The following ABLIM2 variants were observed in gnomAD, a reference collection of about 807,000 sequenced individuals.
The protein encoded by ABLIM2 is actin binding LIM protein family member 2, also known as actin-binding LIM protein 2.
ABLIM2 carries 53 observed loss-of-function variants against 97.7 expected under a neutral mutation model. The ratio of observed to expected loss-of-function variants is 0.54; its 90% CI spans 0.44 to 0.68. ABLIM2 has a LOEUF of 0.68. Among genes scored for constraint, ABLIM2 ranks in the 30% least tolerant of loss-of-function variants. The pLI is 0.00. For missense variants in ABLIM2, 835 were observed against 867.2 expected (o/e 0.96, Z 0.47); for synonymous variants, 361 against 345.8 (o/e 1.04, Z -0.49).
At chr4:8,009,659 C>T (rs7435224) in intron 14 of ABLIM2, among the ~76,000 whole-genome samples, 57,963 of 151,954 alleles carry the variant, frequency 0.38, 11,369 homozygotes, top group East Asian at 0.52. Context: ...GCCTCCCAAA[C>T]TGCTGGGATT....
intron 12 of ABLIM2, among the ~76,000 whole-genome samples, chr4:8,025,487 G>A (rs954416591): frequency 4.6e-5 from 7 of 152,304 alleles, no homozygotes; most frequent in African/African-American, 1.4e-4. Context: ...GCTACAAGGC[G>A]TGGAAGGAAG....
At chr4:8,094,657 C>A (rs1830481442) in intron 3 of ABLIM2, among the ~76,000 whole-genome samples, 1 of 152,156 alleles carries the variant, frequency 6.6e-6, no homozygotes, top group African/African-American at 2.4e-5. Flanking sequence ...GGGTGTGGTG[C>A]CGGGCTGTCT....
chr4:8,153,925 A>G (rs1224424306), intron 1 of ABLIM2, among the ~76,000 whole-genome samples: 4 of 147,314 alleles, frequency 2.7e-5, no homozygotes, highest in African/African-American at 5.0e-5. Flanking sequence ...ATGAAATACA[A>G]TTTTGTCCTG....
intron 3 of ABLIM2, among the ~76,000 whole-genome samples, chr4:8,094,521 T>G (rs574771077): frequency 6.6e-6 from 1 of 152,192 alleles, no homozygotes; most frequent in Non-Finnish European, 1.5e-5. Context: ...GGGGGCTGCA[T>G]GCACCGGTAA....
Position 8,002,912 on chromosome 4 carries a change from A to G in ABLIM2, c.1618+5147T>C, listed in dbSNP as rs1388505906. On this transcript the variant is annotated intron_variant, in intron 16 of 20. Transcript: ENST00000447017. This position sits in a 1 kb window ranked among gnomAD's most constrained non-coding sequence, Gnocchi z 6.1. ...TACCGTCTCTCTGCACTGACTACTT[A>G]CTGTATTTGAAAGTGCACCCTTCCC... 6.6e-6 allele frequency among the ~76,000 whole-genome samples: 1 copy of G among 151,824 alleles called. No individual in the cohort carries two copies. Among genetic ancestry groups the G allele is most frequent in the Non-Finnish European group, 1.5e-5 (1 of 67,936 alleles).
rs143041375 is a variant in ABLIM2 at position 8,155,623 on chromosome 4, C to A, written c.10+3057G>T. Among the ~76,000 whole-genome samples the A allele has an allele frequency of 3.9e-5, 6 of 152,332 alleles. No individual in the cohort carries two copies. The highest frequency in any genetic ancestry group is 8.8e-5 in the Non-Finnish European group (6 of 68,040). On this transcript the variant is annotated intron_variant, in intron 1 of 20. Transcript: ENST00000447017. The surrounding 1 kb of genome is among the most constrained non-coding windows in gnomAD (Gnocchi z 4.2). ...TGCTGAAGTCCTAACCCCCAGTACTCCAGGATGTGACTATGCATGGAGACA... is the reference window on the plus strand; with the variant it reads ...TGCTGAAGTCCTAACCCCCAGTACTACAGGATGTGACTATGCATGGAGACA...
At chr4:8,151,109 C>T (rs1204064246) in intron 1 of ABLIM2, among the ~76,000 whole-genome samples, 1 of 152,144 alleles carries the variant, frequency 6.6e-6, no homozygotes, top group African/African-American at 2.4e-5. Context: ...GGCATTTAAA[C>T]AATCCGCTTG....
At chr4:8,059,150 G>A (rs965028443) in intron 7 of ABLIM2, among the ~76,000 whole-genome samples, 5 of 151,992 alleles carry the variant, frequency 3.3e-5, no homozygotes, top group South Asian at 2.1e-4. Context: ...AATACATAGC[G>A]GGGTGGTCAG....
intron 1 of ABLIM2, among the ~76,000 whole-genome samples, chr4:8,137,569 C>A (rs1364851894): frequency 6.6e-6 from 1 of 152,186 alleles, no homozygotes; most frequent in Non-Finnish European, 1.5e-5. Flanking sequence ...TCAGCCTGGC[C>A]GGGCACAGGC....
In ABLIM2 at chr4:8,045,227, G is replaced by A. The variant is rs779940891; in HGVS notation, c.837C>T (p.Ser279=). 6.2e-7 allele frequency: 1 copy of A among 1,613,960 alleles called. No homozygotes were observed. The highest frequency in any genetic ancestry group is 1.1e-5 in the South Asian group (1 of 91,082). The change falls in exon 9 of 21, where the codon TCC becomes TCT. Residue 279 remains serine, a synonymous_variant. Transcript: ENST00000447017. ...TEDRNKETRT[S]SESIISVPAS... ...CAGGGACAGAAATGATGCTCTCTGA[G>A]GAAGTTCTGGTTTCCTGAGAAAGGA...
intron 1 of ABLIM2, among the ~76,000 whole-genome samples, chr4:8,133,277 A>T (rs1206528936): frequency 6.6e-6 from 1 of 152,220 alleles, no homozygotes; most frequent in East Asian, 1.9e-4. Context: ...CAGAGGGGTC[A>T]GGGCTTCACT....
At position 8,127,737 on chromosome 4, in the gene ABLIM2, G is replaced by A. The variant is rs747943243; in HGVS notation, c.11-21100C>T. 3.5e-4 allele frequency: 346 copies of A among 983,882 alleles called. 1 individual carries two copies. Among genetic ancestry groups the A allele is most frequent in the Non-Finnish European group, 3.9e-4 (322 of 828,716 alleles). The allele number at this position is 983,882 out of a possible 1,614,324, so 60.9% of individuals were successfully genotyped here. A position where few individuals can be genotyped will look rare whatever the true frequency, so the allele number is the denominator to read the frequency against. ...CAGCTGCCACCCTCTGCCCGGGGAG[G>A]GGCAGAGCCAAGCCCTTCCCGGCAC... is the stretch of plus-strand genomic sequence containing the variant. On this transcript the variant is annotated intron_variant, in intron 1 of 20. Coordinates refer to ENST00000447017, the MANE Select transcript of ABLIM2 (RefSeq NM_001130083.2). The surrounding 1 kb of genome is among the most constrained non-coding windows in gnomAD (Gnocchi z 7.3).
Position 8,071,898 on chromosome 4 carries a change from C to T in ABLIM2, c.675+5730G>A. On this transcript the variant is annotated intron_variant, in intron 6 of 20. Transcript: ENST00000447017. This position sits in a 1 kb window ranked among gnomAD's most constrained non-coding sequence, Gnocchi z 6.2. ...CAGTCTGTCACCTGCTCCTGCTGCGCCCTGGGAGTCCACTGTCACCCAGCG... is the reference window on the plus strand; with the variant it reads ...CAGTCTGTCACCTGCTCCTGCTGCGTCCTGGGAGTCCACTGTCACCCAGCG... The T allele has an allele frequency of 1.0e-6, 1 of 985,500 alleles. No homozygotes were observed. Among genetic ancestry groups the T allele is most frequent in the Non-Finnish European group, 1.2e-6 (1 of 829,980 alleles). The allele number at this position is 985,500 out of a possible 1,614,324, so 61.0% of individuals were successfully genotyped here. A position where few individuals can be genotyped will look rare whatever the true frequency, so the allele number is the denominator to read the frequency against.
intron 1 of ABLIM2, among the ~76,000 whole-genome samples, chr4:8,137,225 G>A (rs59198983): frequency 0.14 from 20,981 of 152,208 alleles, 1,886 homozygotes; most frequent in African/African-American, 0.26. Context: ...CCCAGCAGGC[G>A]CTAGGACCCC....
In ABLIM2 at chr4:8,058,910, T is replaced by C. The variant is rs1320058; in HGVS notation, c.763+2057A>G. ...GTCCTTAGCCTGTCTTCGGCAACCA[T>C]CTTGTGGGGTCAGTTCAGCAAGAAG... is the stretch of plus-strand genomic sequence containing the variant. On this transcript the variant is annotated intron_variant, in intron 7 of 20. Coordinates refer to ENST00000447017, the MANE Select transcript of ABLIM2 (RefSeq NM_001130083.2). The surrounding 1 kb of genome is among the most constrained non-coding windows in gnomAD (Gnocchi z 4.2). Among the ~76,000 whole-genome samples, 54,916 of 151,856 alleles carry C rather than the reference T, an allele frequency of 0.36. 11,444 individuals are homozygous for C. The highest frequency in any genetic ancestry group is 0.83 in the East Asian group (4,252 of 5,120).
At chr4:8,093,079 G>C (rs28651106) in intron 3 of ABLIM2, among the ~76,000 whole-genome samples, 38,619 of 151,764 alleles carry the variant, frequency 0.25, 5,099 homozygotes, top group East Asian at 0.32. Flanking sequence ...AAACTCCTGA[G>C]CTCAAGTGAT....
intron 16 of ABLIM2, 154 bp downstream of exon 16, chr4:8,007,905 T>A (rs781709196): frequency 1.1e-4 from 162 of 1,456,324 alleles, no homozygotes; most frequent in Non-Finnish European, 1.4e-4. Flanking sequence ...AGCCCCATAT[T>A]TCCTTCCGGT....
At position 8,097,124 on chromosome 4, in the gene ABLIM2, C is replaced by A. The variant is rs767624543; in HGVS notation, c.313G>T (p.Asp105Tyr). 7.5e-6 allele frequency: 12 copies of A among 1,610,472 alleles called. No individual in the cohort carries two copies. Among genetic ancestry groups the A allele is most frequent in the Middle Eastern group, 1.6e-4 (1 of 6,068 alleles). Reference sequence around the variant, plus strand: ...CGGCAGACGGCACACACGAAGCAGTCGGGGTGGTAGGTCTTGCCCAGCGCC... The same window carrying A: ...CGGCAGACGGCACACACGAAGCAGTAGGGGTGGTAGGTCTTGCCCAGCGCC... ...VSALGKTYHP[D>Y]CFVCAVCRLP... Residue 105 changes from aspartate to tyrosine, a missense_variant, in exon 3 of 21, where the codon GAC becomes TAC. By Grantham distance (160) the Asp-to-Tyr change is radical. Transcript: ENST00000447017.
rs1325351700 is a variant in ABLIM2, at chr4:7,970,948, C to A, written c.1825-3845G>T. ...GACAGGGACCACCTCCCCGCAGGCTCCAGTCCTGTTTTCTGTCTGCAGCGT... is the reference window on the plus strand; with the variant it reads ...GACAGGGACCACCTCCCCGCAGGCTACAGTCCTGTTTTCTGTCTGCAGCGT... On this transcript the variant is annotated intron_variant, in intron 20 of 20. Transcript: ENST00000447017. This position sits in a 1 kb window ranked among gnomAD's most constrained non-coding sequence, Gnocchi z 5.3. Among the ~76,000 whole-genome samples, 2 of 152,158 alleles carry A rather than the reference C, an allele frequency of 1.3e-5. No homozygotes were observed. Among genetic ancestry groups the A allele is most frequent in the South Asian group, 4.1e-4 (2 of 4,820 alleles).
Sources: gnomAD v4.1 joint callset for allele counts (sites outside exome capture counted in the v4.1 genomes callset) on GRCh38, gnomAD v4.1.1 for gene constraint, Gnocchi (gnomAD v3.1) non-coding constraint, MANE v1.5 for transcripts, NCBI Gene and HGNC (gene_info 2026-07-23, HGNC 2026-07-21) for gene names.